The following COL5A2 variants were observed in gnomAD, a reference collection of about 807,000 sequenced individuals.
COL5A2 encodes the protein collagen alpha-2(V) chain.
In COL5A2, 23 loss-of-function variants were observed where a neutral mutation model predicts 208.2. The ratio of observed to expected loss-of-function variants is 0.11; its 90% CI spans 0.08 to 0.16. The LOEUF (loss-of-function observed/expected upper bound fraction) is 0.16. COL5A2 is among the 10% of genes least tolerant of loss of function. The pLI is 1.00. For missense variants in COL5A2, 1,590 were observed against 1,956.4 expected (o/e 0.81, Z 3.53); for synonymous variants, 625 against 628.5 (o/e 0.99, Z 0.08).
intron 1 of COL5A2, among the ~76,000 whole-genome samples, chr2:189,199,307 G>T (rs1383565796): frequency 2.6e-5 from 4 of 152,106 alleles, no homozygotes; most frequent in Admixed American, 6.6e-5. Context: ...CATGACTATT[G>T]CCAAAAATGG....
At chr2:189,048,894 TG>T (rs1275362828) in intron 44 of COL5A2, among the ~76,000 whole-genome samples, 1 of 152,186 alleles carries the variant, frequency 6.6e-6, no homozygotes, top group African/African-American at 2.4e-5. Context: ...TAAAGGAACA[TG>T]ATATCCATTA....
intron 1 of COL5A2, among the ~76,000 whole-genome samples, chr2:189,210,628 T>G (rs1287499772): frequency 6.6e-6 from 1 of 152,244 alleles, no homozygotes; most frequent in African/African-American, 2.4e-5. Flanking sequence ...GCTTTAGGGT[T>G]TTCTTTAATG....
the COL5A2 span, among the ~76,000 whole-genome samples, chr2:189,326,627 A>G: frequency 6.6e-6 from 1 of 151,986 alleles, no homozygotes; most frequent in South Asian, 2.1e-4. Context: ...CAGACATTCA[A>G]TGTTACAGTA....
the COL5A2 span, among the ~76,000 whole-genome samples, chr2:189,250,490 C>G: frequency 2.2e-4 from 34 of 152,184 alleles, no homozygotes; most frequent in African/African-American, 7.5e-4. Context: ...AATCTGGAGT[C>G]ACTTTAGCTA....
At chr2:189,087,140 T>C (rs944989108) in intron 8 of COL5A2, among the ~76,000 whole-genome samples, 1 of 152,086 alleles carries the variant, frequency 6.6e-6, no homozygotes, top group Non-Finnish European at 1.5e-5. Context: ...TATTTAATTC[T>C]TCAGATTCAC....
chr2:189,374,499 C>A, the COL5A2 span, among the ~76,000 whole-genome samples: 2 of 151,934 alleles, frequency 1.3e-5, no homozygotes, highest in African/African-American at 4.8e-5. Context: ...ATTAAAAAAA[C>A]TGAAAAGCCA....
the COL5A2 span, among the ~76,000 whole-genome samples, chr2:189,307,796 T>C: frequency 7.2e-5 from 11 of 152,332 alleles, no homozygotes; most frequent in Non-Finnish European, 1.3e-4. Context: ...AAATATTGAT[T>C]CTTGCAAAAT....
the COL5A2 span, among the ~76,000 whole-genome samples, chr2:189,295,813 G>T: frequency 2.0e-5 from 3 of 152,112 alleles, no homozygotes; most frequent in East Asian, 3.9e-4. Flanking sequence ...GATCTACAAA[G>T]AGTAAAATTG....
At chr2:189,062,566 A>G (rs925345349) in intron 29 of COL5A2, among the ~76,000 whole-genome samples, 1 of 152,234 alleles carries the variant, frequency 6.6e-6, no homozygotes, top group South Asian at 2.1e-4. Flanking sequence ...TATTTTATAA[A>G]ATATTTGTTA....
At chr2:189,195,487 A>C (rs906195632) in intron 1 of COL5A2, among the ~76,000 whole-genome samples, 2 of 152,200 alleles carry the variant, frequency 1.3e-5, no homozygotes, top group Non-Finnish European at 2.9e-5. Context: ...ATGGAACCAA[A>C]AAAGAGCTCG....
At chr2:189,387,990 G>C in the COL5A2 span, among the ~76,000 whole-genome samples, 7 of 152,160 alleles carry the variant, frequency 4.6e-5, no homozygotes, top group African/African-American at 1.7e-4. Flanking sequence ...TCACTATGTT[G>C]CCCAGGCTAG....
intron 1 of COL5A2, among the ~76,000 whole-genome samples, chr2:189,143,922 T>C (rs1471084273): frequency 1.3e-5 from 2 of 152,186 alleles, no homozygotes; most frequent in East Asian, 3.9e-4. Context: ...AAAAAATATA[T>C]AGCTGCAGAA....
chr2:189,244,113 C>A, the COL5A2 span, among the ~76,000 whole-genome samples: 1 of 152,204 alleles, frequency 6.6e-6, no homozygotes, highest in African/African-American at 2.4e-5. Flanking sequence ...GGGGCTGCCA[C>A]AAAAGTCTCT....
At chr2:189,376,206 T>A in the COL5A2 span, among the ~76,000 whole-genome samples, 1 of 152,254 alleles carries the variant, frequency 6.6e-6, no homozygotes, top group Admixed American at 6.5e-5. Context: ...TTGAACACTT[T>A]CTAAGATCTT....
the COL5A2 span, among the ~76,000 whole-genome samples, chr2:189,254,877 A>G: frequency 3.9e-4 from 59 of 152,312 alleles, 1 homozygote; most frequent in African/African-American, 1.2e-3. Context: ...GAAAGCATCA[A>G]TATACACCTC....
chr2:189,116,243 C>A (rs182388169), intron 1 of COL5A2, among the ~76,000 whole-genome samples: 2 of 152,272 alleles, frequency 1.3e-5, no homozygotes, highest in Non-Finnish European at 2.9e-5. Context: ...AAGCCGCCCA[C>A]GTGTCAGTCT....
the COL5A2 span, among the ~76,000 whole-genome samples, chr2:189,422,381 A>G: frequency 6.6e-5 from 10 of 152,282 alleles, no homozygotes; most frequent in East Asian, 1.9e-3. Context: ...AAAAAATGCA[A>G]TGAACAAAAT....
intron 25 of COL5A2, 30 bp downstream of exon 25, chr2:189,064,527 T>C (rs770875098): frequency 6.7e-7 from 1 of 1,490,586 alleles, no homozygotes; most frequent in Non-Finnish European, 9.4e-7. Flanking sequence ...TTCTCCCCTT[T>C]GATGTAGCAA....
intron 50 of COL5A2, among the ~76,000 whole-genome samples, chr2:189,041,017 T>C (rs1262251774): frequency 1.3e-5 from 2 of 152,204 alleles, no homozygotes; most frequent in African/African-American, 2.4e-5. Flanking sequence ...TAAGCTCATA[T>C]ACAAACACGC....
Sources: allele counts gnomAD v4.1 joint callset (sites outside exome capture counted in the v4.1 genomes callset), GRCh38; gene constraint gnomAD v4.1.1; transcripts MANE v1.5; gene names NCBI Gene and HGNC (gene_info 2026-07-23, HGNC 2026-07-21).